VCAN: variants seen among roughly 807,000 people sequenced by gnomAD.
VCAN encodes the protein versican core protein.
Under a neutral mutation model 245.5 loss-of-function variants are expected in VCAN, and 44 were observed. The ratio of observed to expected loss-of-function variants is 0.18; its 90% CI spans 0.14 to 0.23. The LOEUF is 0.23. Ranked by LOEUF, VCAN falls within the 10% of genes least tolerant of loss-of-function variation. VCAN has a pLI of 1.00. For synonymous variants in VCAN, 1,413 were observed against 1,437.0 expected (o/e 0.98, Z 0.38); for missense variants, 3,793 against 4,057.9 (o/e 0.93, Z 1.77).
intron 7 of VCAN, among the ~76,000 whole-genome samples, chr5:83,530,674 C>CA (rs1167385199): frequency 6.6e-6 from 1 of 152,052 alleles, no homozygotes; most frequent in Non-Finnish European, 1.5e-5. Context: ...GTTTCATGTA[C>CA]AAAAATGTTA....
intron 12 of VCAN, among the ~76,000 whole-genome samples, chr5:83,559,616 C>T (rs922410730): frequency 6.6e-6 from 1 of 152,088 alleles, no homozygotes; most frequent in African/African-American, 2.4e-5. Context: ...TTCCAGGAAG[C>T]CTTCCTTGCT....
intron 13 of VCAN, 73 bp from the exon 14 acceptor site, chr5:83,579,907 G>C: frequency 6.7e-7 from 1 of 1,502,050 alleles, no homozygotes. Context: ...TAAAGAAAGA[G>C]AGAAAAATAA....
chr5:83,526,342 T>A (rs977223813), intron 7 of VCAN, among the ~76,000 whole-genome samples: 1 of 152,240 alleles, frequency 6.6e-6, no homozygotes, highest in African/African-American at 2.4e-5. Flanking sequence ...ACATTTTAAT[T>A]ATAGAAAAAT....
At chr5:83,503,499 G>A (rs1459797100) in intron 5 of VCAN, among the ~76,000 whole-genome samples, 3 of 152,168 alleles carry the variant, frequency 2.0e-5, no homozygotes, top group Non-Finnish European at 2.9e-5. Context: ...AACTTTTGTA[G>A]TAAAATAACA....
chr5:83,520,407 G>A lies in VCAN; in HGVS notation c.2101G>A (p.Asp701Asn). 8.7e-6 allele frequency: 14 copies of A among 1,613,488 alleles called. No homozygotes were observed. The highest frequency in any genetic ancestry group is 1.2e-5 in the Non-Finnish European group (14 of 1,179,878). The change falls in exon 7 of 15, where the codon GAT (aspartate) becomes AAT (asparagine). Residue 701 changes from aspartate (D) to asparagine (N), a missense_variant. Asp to Asn is a conservative substitution (Grantham distance 23). This residue lies in a region of VCAN where 3,182 missense variants were observed against 3,250.3 expected (regional missense o/e 0.98). Transcript: ENST00000265077. The stretch of plus-strand genomic sequence containing the variant: ...AGAGATGAGAACAGATACTTATACA[G>A]ATGAAATACAAGAAGAGATCACTAA... ...IPEMRTDTYTDEIQEEITKSP... is the reference protein window; with the variant it reads ...IPEMRTDTYTNEIQEEITKSP...
rs183784951 is a variant in VCAN at position 83,530,043 on chromosome 5, C to A, written c.4004-6964C>A. On this transcript the variant is annotated intron_variant, in intron 7 of 14. Transcript: ENST00000265077. The stretch of plus-strand genomic sequence containing the variant: ...TGAAATAACTTCTTAAAAATCCGAA[C>A]CCGACATAGGTTGTGTTTTTTTGGG... 1.4e-4 allele frequency among the ~76,000 whole-genome samples: 21 copies of A among 152,190 alleles called. No homozygotes were observed. The East Asian group carries it at 3.7e-3, about 27-fold the overall frequency.
Position 83,581,351 on chromosome 5 carries a change from G to C in VCAN, c.*917G>C, listed in dbSNP as rs1272022577. ...AAAAAAAAAAAAAAAAAGAAATTTT[G>C]TATATATAACCATTTTAATCTTTTA... On this transcript the variant is annotated 3_prime_UTR_variant, in exon 15 of 15. Coordinates refer to ENST00000265077, the MANE Select transcript of VCAN (RefSeq NM_004385.5). The C allele has an allele frequency of 4.3e-5, 6 of 138,680 alleles. No individual in the cohort carries two copies. In the Admixed American group the frequency reaches 4.4e-4, roughly 10 times the overall value. The allele number at this position is 138,680 out of a possible 1,614,324, so 8.6% of individuals were successfully genotyped here.
At chr5:83,503,383 T>C (rs1325749618) in intron 5 of VCAN, among the ~76,000 whole-genome samples, 1 of 152,240 alleles carries the variant, frequency 6.6e-6, no homozygotes, top group East Asian at 1.9e-4. Context: ...TCATTTCATG[T>C]AACTACTTCC....
intron 11 of VCAN, among the ~76,000 whole-genome samples, chr5:83,554,626 A>C (rs1046375697): frequency 4.6e-5 from 7 of 152,190 alleles, no homozygotes; most frequent in African/African-American, 7.2e-5. Flanking sequence ...ACAACAACAA[A>C]AAAATAGAAA....
chr5:83,503,049 T>C lies in VCAN; in HGVS notation c.749-9054T>C, dbSNP rs1414453022. 3.3e-5 allele frequency among the ~76,000 whole-genome samples: 5 copies of C among 152,332 alleles called. No individual in the cohort carries two copies. The South Asian group carries it at 1.0e-3, about 32-fold the overall frequency. The stretch of plus-strand genomic sequence containing the variant: ...CAAATCTTAGAGGAAATTGACATGC[T>C]TTTAAATTATCTACAAATATTAGCC... On this transcript the variant is annotated intron_variant, in intron 5 of 14. Transcript: ENST00000265077.
intron 1 of VCAN, among the ~76,000 whole-genome samples, chr5:83,480,774 G>A (rs1744586696): frequency 6.6e-6 from 1 of 152,102 alleles, no homozygotes; most frequent in Non-Finnish European, 1.5e-5. Context: ...AGTGTATATT[G>A]CTACTATAGT....
At chr5:83,482,937 A>G (rs1744660649) in intron 1 of VCAN, among the ~76,000 whole-genome samples, 1 of 152,236 alleles carries the variant, frequency 6.6e-6, no homozygotes, top group African/African-American at 2.4e-5. Context: ...GCCAGCTAGA[A>G]ACTACATGGA....
chr5:83,541,124 A>G lies in VCAN; in HGVS notation c.8121A>G (p.Glu2707=). The change falls in exon 8 of 15, where the codon GAA becomes GAG. Residue 2707 remains glutamate, a synonymous_variant. Coordinates refer to ENST00000265077, the MANE Select transcript of VCAN (RefSeq NM_004385.5). The stretch of plus-strand genomic sequence containing the variant: ...CTGCCACAGTTATTCCAGAGATTGA[A>G]GGAATAAAAGCTGAAGCAAAAGCCC... ...RKSATVIPEI[E]GIKAEAKALD... is the part of the protein sequence containing the mutation. 1 of 1,614,150 alleles carries G rather than the reference A, an allele frequency of 6.2e-7. No individual in the cohort carries two copies. Among genetic ancestry groups the G allele is most frequent in the Non-Finnish European group, 8.5e-7 (1 of 1,179,998 alleles).
Position 83,519,632 on chromosome 5 carries a change from T to G in VCAN, c.1326T>G (p.Ser442=), listed in dbSNP as rs1181327268. 1 of 1,614,174 alleles carries G rather than the reference T, an allele frequency of 6.2e-7. No individual in the cohort carries two copies. The change falls in exon 7 of 15, where the codon TCT becomes TCG. Residue 442 remains serine (S), a synonymous_variant. Coordinates refer to ENST00000265077, the MANE Select transcript of VCAN (RefSeq NM_004385.5). ...KPWDMDDYSP[S]ASGPLGKLDI... ...GGGATATGGATGACTACTCACCTTC[T>G]GCTTCAGGACCTCTTGGAAAGCTAG... is the stretch of plus-strand genomic sequence containing the variant.
intron 9 of VCAN, among the ~76,000 whole-genome samples, chr5:83,546,976 A>G (rs1392352045): frequency 6.6e-6 from 1 of 152,174 alleles, no homozygotes; most frequent in Non-Finnish European, 1.5e-5. Context: ...GTGTAGAAAG[A>G]TTTTATTTGA....
Position 83,521,266 on chromosome 5 carries a change from T to A in VCAN, c.2960T>A (p.Val987Glu). The A allele has an allele frequency of 6.2e-7, 1 of 1,614,164 alleles. No individual in the cohort carries two copies. Among genetic ancestry groups the A allele is most frequent in the Non-Finnish European group, 8.5e-7 (1 of 1,179,976 alleles). The change falls in exon 7 of 15, where the codon GTA becomes GAA. Residue 987 changes from valine to glutamate, a missense_variant. Val to Glu is a moderately radical substitution (Grantham distance 121, BLOSUM62 -2). Transcript: ENST00000265077. ...VIPKTDWGVLVPSVPSEDEVL... is the reference protein window; with the variant it reads ...VIPKTDWGVLEPSVPSEDEVL... ...CCCAAGACAGACTGGGGAGTGTTAG[T>A]ACCTTCTGTTCCATCAGAAGATGAA... is the stretch of plus-strand genomic sequence containing the variant.
At chr5:83,522,704 T>C (rs1392966861) in intron 7 of VCAN, among the ~76,000 whole-genome samples, 1 of 152,210 alleles carries the variant, frequency 6.6e-6, no homozygotes, top group African/African-American at 2.4e-5. Context: ...ACTTACAATG[T>C]GGACGGCTAA....
chr5:83,489,849 A>T (rs1744914304), intron 2 of VCAN, among the ~76,000 whole-genome samples: 1 of 151,274 alleles, frequency 6.6e-6, no homozygotes. Context: ...CATGTTAAAC[A>T]CTAAGTTAAA....
rs1398276051 is a variant in VCAN, at chr5:83,520,006, A to G, written c.1700A>G (p.Asp567Gly). The G allele has an allele frequency of 1.2e-6, 2 of 1,613,982 alleles. No homozygotes were observed. Among genetic ancestry groups the G allele is most frequent in the East Asian group, 4.5e-5 (2 of 44,882 alleles). ...DEDRTLTVGS[D>G]ESTLIFDQIP... ...GACAGAACACTTACAGTTGGATCTGATGAGAGCACCTTGATCTTTGACCAA... is the reference window on the plus strand; with the variant it reads ...GACAGAACACTTACAGTTGGATCTGGTGAGAGCACCTTGATCTTTGACCAA... The change falls in exon 7 of 15, where the codon GAT (aspartate) becomes GGT (glycine). Residue 567 changes from aspartate (D) to glycine (G), a missense_variant. Asp to Gly is a moderately conservative substitution (Grantham distance 94). This residue lies in a region of VCAN where 3,182 missense variants were observed against 3,250.3 expected (regional missense o/e 0.98). Coordinates refer to ENST00000265077, the MANE Select transcript of VCAN (RefSeq NM_004385.5).
Sources: allele counts gnomAD v4.1 joint callset (sites outside exome capture counted in the v4.1 genomes callset), GRCh38; gene constraint gnomAD v4.1.1; regional missense constraint gnomAD v4.1.1; transcripts MANE v1.5; gene names NCBI Gene and HGNC (gene_info 2026-07-23, HGNC 2026-07-21).